The following GALNT17 variants were observed in gnomAD, a reference collection of about 807,000 sequenced individuals.
The protein encoded by GALNT17 is polypeptide N-acetylgalactosaminyltransferase 17.
GALNT17 carries 29 observed loss-of-function variants against 63.7 expected under a neutral mutation model. The ratio of observed to expected loss-of-function variants is 0.46; its 90% CI spans 0.34 to 0.62. The LOEUF is 0.62. Ranked by LOEUF, GALNT17 falls within the 20% of genes least tolerant of loss-of-function variation. The pLI, the probability that GALNT17 is intolerant of heterozygous loss-of-function variation, is 0.01. For missense variants in GALNT17, 603 were observed against 799.6 expected (o/e 0.75, Z 2.97); for synonymous variants, 305 against 318.3 (o/e 0.96, Z 0.45).
chr7:71,693,192 GTATATAGTGTGTGTA>G (rs1791482191), intron 9 of GALNT17, among the ~76,000 whole-genome samples: 1 of 126,044 alleles, frequency 7.9e-6, no homozygotes, highest in East Asian at 4.0e-4. Flanking sequence ...TAGTGTGTGT[GTATATAGTGTGTGTA>G]TATATATCTA....
intron 5 of GALNT17, among the ~76,000 whole-genome samples, chr7:71,513,587 T>C (rs1309883784): frequency 6.6e-6 from 1 of 152,080 alleles, no homozygotes; most frequent in Non-Finnish European, 1.5e-5. Context: ...AGTTTCACCA[T>C]GTTGGCCAGG....
rs770463745 is a variant in GALNT17, at chr7:71,132,854, G to A, written c.52G>A (p.Val18Ile). The A allele has an allele frequency of 1.9e-6, 3 of 1,612,836 alleles. No individual in the cohort carries two copies. The highest frequency in any genetic ancestry group is 1.3e-5 in the African/African-American group (1 of 75,002). ...KVLLVLNLIA[V>I]AGFVLFLAKC... The stretch of plus-strand genomic sequence containing the variant: ...GCTGTTGGTGTTGAACTTGATCGCG[G>A]TAGCCGGCTTCGTGCTCTTCCTGGC... Residue 18 changes from valine to isoleucine, a missense_variant, in exon 1 of 11, where the codon GTA becomes ATA. Coordinates refer to ENST00000333538, the MANE Select transcript of GALNT17 (RefSeq NM_022479.3).
intron 2 of GALNT17, among the ~76,000 whole-genome samples, chr7:71,382,447 G>A (rs182679821): frequency 5.5e-4 from 84 of 152,300 alleles, no homozygotes; most frequent in African/African-American, 1.9e-3. Flanking sequence ...CTAAGAGTAA[G>A]GGTTTTGGGA....
At chr7:71,309,696 A>C (rs765349051) in intron 1 of GALNT17, among the ~76,000 whole-genome samples, 23 of 152,194 alleles carry the variant, frequency 1.5e-4, no homozygotes, top group Non-Finnish European at 3.1e-4. Context: ...TATGTTAAGG[A>C]ATTCCCATAA....
At chr7:71,366,205 G>T (rs1792504634) in intron 2 of GALNT17, among the ~76,000 whole-genome samples, 1 of 152,130 alleles carries the variant, frequency 6.6e-6, no homozygotes, top group Admixed American at 6.5e-5. Context: ...ACCTCCTGCT[G>T]TGTGACCTGG....
chr7:71,270,939 A>AG (rs1790576558), intron 1 of GALNT17, among the ~76,000 whole-genome samples: 2 of 109,632 alleles, frequency 1.8e-5, no homozygotes, highest in African/African-American at 6.0e-5. Flanking sequence ...ATTTAATCAG[A>AG]GAAAAAAAAA....
At chr7:71,227,989 G>A (rs955029051) in intron 1 of GALNT17, among the ~76,000 whole-genome samples, 4 of 152,138 alleles carry the variant, frequency 2.6e-5, no homozygotes, top group African/African-American at 9.7e-5. Flanking sequence ...GATATGCATA[G>A]GAGTAATTCA....
At chr7:71,697,740 C>T (rs1791565749) in intron 9 of GALNT17, among the ~76,000 whole-genome samples, 1 of 152,144 alleles carries the variant, frequency 6.6e-6, no homozygotes, top group Admixed American at 6.6e-5. Context: ...ACATTAGATA[C>T]TTTGAAGGGT....
At chr7:71,652,422 A>T (rs757149379) in intron 6 of GALNT17, among the ~76,000 whole-genome samples, 22 of 152,204 alleles carry the variant, frequency 1.4e-4, no homozygotes, top group Non-Finnish European at 2.8e-4. Flanking sequence ...ATGTTGATTT[A>T]AACTGGGAAA....
intron 1 of GALNT17, among the ~76,000 whole-genome samples, chr7:71,323,241 T>G (rs756971581): frequency 2.0e-5 from 3 of 152,182 alleles, no homozygotes; most frequent in Non-Finnish European, 4.4e-5. Context: ...ATTTTATTTA[T>G]TTGAACTATA....
intron 4 of GALNT17, among the ~76,000 whole-genome samples, chr7:71,418,664 G>C (rs1786596486): frequency 6.6e-6 from 1 of 152,226 alleles, no homozygotes; most frequent in Non-Finnish European, 1.5e-5. Context: ...GGGAATTGGA[G>C]ACTGGGGGAA....
At chr7:71,484,962 CTTTT>C (rs779772231) in intron 5 of GALNT17, among the ~76,000 whole-genome samples, 2,645 of 47,550 alleles carry the variant, frequency 0.056, 56 homozygotes, top group African/African-American at 0.13. Context: ...CCACACCTGG[CTTTT>C]TTTTTTTTTT....
chr7:71,676,980 G>A (rs1294433918), intron 8 of GALNT17, among the ~76,000 whole-genome samples: 1 of 152,140 alleles, frequency 6.6e-6, no homozygotes, highest in African/African-American at 2.4e-5. Flanking sequence ...AGGGTGGGGG[G>A]GCAAGCTGCC....
intron 5 of GALNT17, among the ~76,000 whole-genome samples, chr7:71,559,504 G>T (rs139473417): frequency 3.3e-5 from 5 of 152,244 alleles, no homozygotes; most frequent in Non-Finnish European, 1.5e-5. Context: ...CTGAACCTCT[G>T]AGCCTCAGTT....
rs574716426 is a variant in GALNT17, at chr7:71,141,380, A to G, written c.238+8340A>G. 9.9e-4 allele frequency among the ~76,000 whole-genome samples: 150 copies of G among 151,790 alleles called. 2 individuals are homozygous for G. In the South Asian group the frequency reaches 0.013, roughly 13 times the overall value. On this transcript the variant is annotated intron_variant, in intron 1 of 10. Coordinates refer to ENST00000333538, the MANE Select transcript of GALNT17 (RefSeq NM_022479.3). ...ACAGAGCAAGACTGTCTCAAAAAAAAAAAGAAAAGAAAAAAAAAAGACAGA... is the reference window on the plus strand; with the variant it reads ...ACAGAGCAAGACTGTCTCAAAAAAAGAAAGAAAAGAAAAAAAAAAGACAGA...
At chr7:71,506,799 T>G (rs1788276713) in intron 5 of GALNT17, among the ~76,000 whole-genome samples, 1 of 152,244 alleles carries the variant, frequency 6.6e-6, no homozygotes, top group African/African-American at 2.4e-5. Context: ...CCTGTAGTCA[T>G]CTTCCAGTGC....
At chr7:71,259,285 C>G (rs1790339826) in intron 1 of GALNT17, among the ~76,000 whole-genome samples, 4 of 152,188 alleles carry the variant, frequency 2.6e-5, no homozygotes, top group Admixed American at 2.6e-4. Flanking sequence ...CAAGTTGTTC[C>G]AGCCAGGTTT....
intron 5 of GALNT17, among the ~76,000 whole-genome samples, chr7:71,462,125 C>T (rs1787461160): frequency 6.6e-6 from 1 of 152,074 alleles, no homozygotes; most frequent in African/African-American, 2.4e-5. Flanking sequence ...ACTCAGCCAC[C>T]CAGAGTCCTC....
At chr7:71,465,528 G>T (rs1033456557) in intron 5 of GALNT17, among the ~76,000 whole-genome samples, 1 of 152,184 alleles carries the variant, frequency 6.6e-6, no homozygotes, top group African/African-American at 2.4e-5. Flanking sequence ...CTACATGCGT[G>T]TTTCTATAGA....
Sources: allele counts gnomAD v4.1 joint callset (sites outside exome capture counted in the v4.1 genomes callset), GRCh38; gene constraint gnomAD v4.1.1; transcripts MANE v1.5; gene names NCBI Gene and HGNC (gene_info 2026-07-23, HGNC 2026-07-21).